Variants in DISP1 observed in about 807,000 individuals in gnomAD.
DISP1 encodes dispatched RND transporter family member 1, also known as protein dispatched homolog 1.
Under a neutral mutation model 37.3 loss-of-function variants are expected in DISP1, and 30 were observed. The observed-to-expected ratio is 0.80, with a 90% confidence interval of 0.60 to 1.09. The LOEUF is 1.09. DISP1 is among the 50% of genes least tolerant of loss of function. The probability of loss-of-function intolerance (pLI) is 0.00; values close to 1 mark genes in which losing one functional copy is unlikely to be tolerated. For synonymous variants in DISP1, 634 were observed against 690.2 expected (o/e 0.92, Z 1.28); for missense variants, 1,598 against 1,879.5 (o/e 0.85, Z 2.77).
intron 1 of DISP1, among the ~76,000 whole-genome samples, chr1:222,864,460 G>A (rs546843381): frequency 2.6e-5 from 4 of 152,032 alleles, no homozygotes; most frequent in South Asian, 2.1e-4. Context: ...CCTGAGAAAC[G>A]ACTCTGTAGG....
At chr1:222,865,233 G>A (rs987121852) in intron 1 of DISP1, among the ~76,000 whole-genome samples, 4 of 151,828 alleles carry the variant, frequency 2.6e-5, no homozygotes, top group South Asian at 2.1e-4. Context: ...TATAACTTAT[G>A]GTATAGAATT....
chr1:222,942,971 G>C lies in DISP1; in HGVS notation c.148G>C (p.Val50Leu). The change falls in exon 3 of 9, where the codon GTG becomes CTG. Residue 50 changes from valine to leucine, a missense_variant. By Grantham distance (32) the Val-to-Leu change is conservative. Transcript: ENST00000675850. ...ACCCAAAGAAGCAACAAGAACAAAA[G>C]TGAGTCCAAATGGATGCCTGCAACT... ...LTPKEATRTK[V>L]SPNGCLQLNG... 6.2e-7 allele frequency: 1 copy of C among 1,614,160 alleles called. No homozygotes were observed. The highest frequency in any genetic ancestry group is 8.5e-7 in the Non-Finnish European group (1 of 1,180,026).
At chr1:222,985,399 C>A (rs1194795317) in intron 4 of DISP1, among the ~76,000 whole-genome samples, 1 of 152,240 alleles carries the variant, frequency 6.6e-6, no homozygotes, top group Non-Finnish European at 1.5e-5. Flanking sequence ...CGCCTATAAT[C>A]CCAGCACTGT....
chr1:222,934,523 G>A (rs954079754), intron 2 of DISP1, among the ~76,000 whole-genome samples: 14 of 152,064 alleles, frequency 9.2e-5, no homozygotes, highest in African/African-American at 3.4e-4. Context: ...GCAGGCCAAC[G>A]AGGTACCAGT....
intron 4 of DISP1, among the ~76,000 whole-genome samples, chr1:222,987,647 A>G (rs1678376222): frequency 6.6e-6 from 1 of 152,214 alleles, no homozygotes; most frequent in Non-Finnish European, 1.5e-5. Flanking sequence ...CAGATTTTCA[A>G]GAACACAAAA....
intron 1 of DISP1, among the ~76,000 whole-genome samples, chr1:222,815,399 G>C (rs1660928837): frequency 6.6e-6 from 1 of 152,082 alleles, no homozygotes; most frequent in Non-Finnish European, 1.5e-5. Context: ...AGTCATTCGT[G>C]GGGGCGTGTC....
chr1:222,880,464 C>G (rs1353666367), intron 1 of DISP1, among the ~76,000 whole-genome samples: 1 of 151,940 alleles, frequency 6.6e-6, no homozygotes, highest in Non-Finnish European at 1.5e-5. Context: ...CCTCTAAACT[C>G]CAGCCTGGAT....
intron 3 of DISP1, among the ~76,000 whole-genome samples, chr1:222,959,707 A>AAC (rs1289911453): frequency 1.4e-5 from 2 of 146,190 alleles, no homozygotes; most frequent in African/African-American, 2.7e-5. Context: ...TCTCAAAAAA[A>AAC]AAAAAAAAAG....
chr1:222,848,190 C>A (rs1400883671), intron 1 of DISP1, among the ~76,000 whole-genome samples: 1 of 151,932 alleles, frequency 6.6e-6, no homozygotes, highest in Non-Finnish European at 1.5e-5. Context: ...TTACTATATT[C>A]TTCTGTTCTT....
At chr1:222,912,249 A>T (rs1016611502) in intron 1 of DISP1, among the ~76,000 whole-genome samples, 2 of 152,228 alleles carry the variant, frequency 1.3e-5, no homozygotes, top group Non-Finnish European at 2.9e-5. Context: ...TCATATCTTC[A>T]TATCTCTGCA....
chr1:222,970,446 T>G (rs1398210106), intron 3 of DISP1, among the ~76,000 whole-genome samples: 1 of 152,176 alleles, frequency 6.6e-6, no homozygotes, highest in Non-Finnish European at 1.5e-5. Context: ...GCCTACCTTA[T>G]GGGGGGATCA....
At chr1:222,838,468 G>A (rs1667385339) in intron 1 of DISP1, among the ~76,000 whole-genome samples, 1 of 151,794 alleles carries the variant, frequency 6.6e-6, no homozygotes, top group Non-Finnish European at 1.5e-5. Flanking sequence ...TTAATTTACT[G>A]CTCTCATTTA....
chr1:222,979,683 G>A, intron 3 of DISP1: 1 of 470,780 alleles, frequency 2.1e-6, no homozygotes. Context: ...TTCACTGAAA[G>A]CCCAGTCTGT....
chr1:222,897,671 G>C (rs556223922), intron 1 of DISP1, among the ~76,000 whole-genome samples: 1 of 152,122 alleles, frequency 6.6e-6, no homozygotes, highest in African/African-American at 2.4e-5. Context: ...ATTTTATTTT[G>C]CACCTAATAG....
chr1:222,837,813 A>G (rs373709748), intron 1 of DISP1, among the ~76,000 whole-genome samples: 4 of 152,206 alleles, frequency 2.6e-5, no homozygotes, highest in Admixed American at 2.0e-4. Context: ...CCAAAAAACC[A>G]TAAAATTTAT....
At position 223,004,912 on chromosome 1, in the gene DISP1, C is replaced by T. The variant is rs1679778262; in HGVS notation, c.3515C>T (p.Thr1172Ile). ...PSDKGQSKTHTINAYHLDPRG... is the reference protein window; with the variant it reads ...PSDKGQSKTHIINAYHLDPRG... ...GACAAGGGACAAAGCAAAACACATA[C>T]CATAAATGCTTATCATTTAGATCCC... is the stretch of plus-strand genomic sequence containing the variant. Residue 1172 changes from threonine (T) to isoleucine (I), a missense_variant, in exon 9 of 9, where the codon ACC becomes ATC. By Grantham distance (89) the Thr-to-Ile change is moderately conservative. Coordinates refer to ENST00000675850, the MANE Select transcript of DISP1 (RefSeq NM_001377229.1). The surrounding 1 kb of genome is among the most constrained non-coding windows in gnomAD (Gnocchi z 4.9). 2.5e-6 allele frequency: 4 copies of T among 1,610,956 alleles called. No individual in the cohort carries two copies. The highest frequency in any genetic ancestry group is 3.4e-6 in the Non-Finnish European group (4 of 1,179,992).
chr1:222,825,051 T>C (rs1418802951), intron 1 of DISP1, among the ~76,000 whole-genome samples: 1 of 151,954 alleles, frequency 6.6e-6, no homozygotes, highest in Non-Finnish European at 1.5e-5. Flanking sequence ...TGAGTAGTTA[T>C]TAGATTGTTG....
chr1:222,941,158 G>T (rs557646551), intron 2 of DISP1, among the ~76,000 whole-genome samples: 1 of 152,262 alleles, frequency 6.6e-6, no homozygotes, highest in African/African-American at 2.4e-5. Context: ...GATCACATTA[G>T]TGCTCTTGCC....
At chr1:222,832,844 C>T (rs1433830969) in intron 1 of DISP1, among the ~76,000 whole-genome samples, 3 of 151,116 alleles carry the variant, frequency 2.0e-5, no homozygotes, top group Non-Finnish European at 2.9e-5. Flanking sequence ...TGCAGTGAGC[C>T]GAGGTCACGC....
Sources: gnomAD v4.1 joint callset for allele counts (sites outside exome capture counted in the v4.1 genomes callset) on GRCh38, gnomAD v4.1.1 for gene constraint, Gnocchi (gnomAD v3.1) non-coding constraint, MANE v1.5 for transcripts, NCBI Gene and HGNC (gene_info 2026-07-23, HGNC 2026-07-21) for gene names.